TUBA1A: variants seen among roughly 807,000 people sequenced by gnomAD.
The protein encoded by TUBA1A is tubulin alpha-1A chain.
In TUBA1A, 7 loss-of-function variants were observed where a neutral mutation model predicts 34.6. The observed-to-expected ratio is 0.20, with a 90% CI of 0.11 to 0.38. The LOEUF (loss-of-function observed/expected upper bound fraction) is 0.38. Ranked by LOEUF, TUBA1A falls within the 10% of genes least tolerant of loss-of-function variation. TUBA1A has a pLI of 1.00. For synonymous variants in TUBA1A, 193 were observed against 210.2 expected (o/e 0.92, Z 0.71); for missense variants, 19 against 581.3 (o/e 0.03, Z 9.95).
Position 49,188,869 on chromosome 12 carries a change from C to G in TUBA1A, c.3+108G>C, listed in dbSNP as rs1942216817. 3.7e-6 allele frequency: 6 copies of G among 1,611,944 alleles called. No individual in the cohort carries two copies. The highest frequency in any genetic ancestry group is 5.1e-6 in the Non-Finnish European group (6 of 1,179,904). On this transcript the variant is annotated intron_variant, in intron 1 of 3. Coordinates refer to ENST00000301071, the MANE Select transcript of TUBA1A (RefSeq NM_006009.4). The surrounding 1 kb of genome is among the most constrained non-coding windows in gnomAD (Gnocchi z 4.9). The stretch of plus-strand genomic sequence containing the variant: ...CTAAACCTCACAAAACATACCACCA[C>G]CCTCGCCCAGAGAGCTTACGAAAGA...
chr12:49,188,811 G>A lies in TUBA1A; in HGVS notation c.3+166C>T. On this transcript the variant is annotated intron_variant, in intron 1 of 3. Transcript: ENST00000301071. This position sits in a 1 kb window ranked among gnomAD's most constrained non-coding sequence, Gnocchi z 4.9. ...GGCCCGGTTCCTGCACCCGCACTGC[G>A]GCGGCGGCGGGGCTTGAGGATTTGG... 1.9e-6 allele frequency: 3 copies of A among 1,585,790 alleles called. No homozygotes were observed. The highest frequency in any genetic ancestry group is 2.6e-6 in the Non-Finnish European group (3 of 1,170,830).
At position 49,188,457 on chromosome 12, in the gene TUBA1A, C is replaced by G. The variant is rs956674330; in HGVS notation, c.3+520G>C. The stretch of plus-strand genomic sequence containing the variant: ...ATGTGTGGGTATCTTTCCAAAACGC[C>G]AAAGACCGCGGAGGGTCTTCCCACG... On this transcript the variant is annotated intron_variant, in intron 1 of 3. Transcript: ENST00000301071. This position sits in a 1 kb window ranked among gnomAD's most constrained non-coding sequence, Gnocchi z 4.9. 4 of 1,535,696 alleles carry G rather than the reference C, an allele frequency of 2.6e-6. No individual in the cohort carries two copies. In the African/African-American group the frequency reaches 4.1e-5, roughly 16 times the overall value.
chr12:49,184,896 GTA>G lies in TUBA1A; in HGVS notation c.*112_*113del. 6.5e-7 allele frequency: 1 copy of G among 1,542,052 alleles called. No homozygotes were observed. Among genetic ancestry groups the G allele is most frequent in the African/African-American group, 1.4e-5 (1 of 73,534 alleles). ...TGTTTTAGAGCATAGGTCAGTAATT[GTA>G]TATGAGAGCATACACTGCTACATAC... On this transcript the variant is annotated 3_prime_UTR_variant, in exon 4 of 4. Transcript: ENST00000301071.
intron 1 of TUBA1A, chr12:49,187,460 C>T: frequency 1.0e-6 from 1 of 986,832 alleles, no homozygotes; most frequent in South Asian, 4.7e-5. Flanking sequence ...TCTCATTGTG[C>T]TGTTTTGCCA....
Position 49,188,023 on chromosome 12 carries a change from G to GACACACACACACACACAC in TUBA1A, c.3+936_3+953dup, listed in dbSNP as rs58704368. ...AACGTGCAGTCCAGACAGACAGACA[G>GACACACACACACACACAC]ACACACACACACACACACACACACT... On this transcript the variant is annotated intron_variant, in intron 1 of 3. Coordinates refer to ENST00000301071, the MANE Select transcript of TUBA1A (RefSeq NM_006009.4). This position sits in a 1 kb window ranked among gnomAD's most constrained non-coding sequence, Gnocchi z 4.9. 6 of 683,414 alleles carry GACACACACACACACACAC rather than the reference G, an allele frequency of 8.8e-6. No homozygotes were observed. The African/African-American group carries it at 1.4e-4, about 16-fold the overall frequency. The allele number at this position is 683,414 out of a possible 1,614,324, so 42.3% of individuals were successfully genotyped here.
At position 49,186,496 on chromosome 12, in the gene TUBA1A, G is replaced by A; in HGVS notation, c.227-38C>T. 1.2e-6 allele frequency: 2 copies of A among 1,612,052 alleles called. No individual in the cohort carries two copies. The highest frequency in any genetic ancestry group is 1.7e-6 in the Non-Finnish European group (2 of 1,178,882). ...ATGGGGGAGGAGCAGGGGGGAGGAGGAGGAGGGACGAGGAGCGGGGAGGGA... is the reference window on the plus strand; with the variant it reads ...ATGGGGGAGGAGCAGGGGGGAGGAGAAGGAGGGACGAGGAGCGGGGAGGGA... On this transcript the variant is annotated intron_variant, in intron 2 of 3. Coordinates refer to ENST00000301071, the MANE Select transcript of TUBA1A (RefSeq NM_006009.4). This position sits in a 1 kb window ranked among gnomAD's most constrained non-coding sequence, Gnocchi z 6.6.
chr12:49,186,547 C>T lies in TUBA1A; in HGVS notation c.226+64G>A. 6.2e-7 allele frequency: 1 copy of T among 1,612,726 alleles called. No homozygotes were observed. Among genetic ancestry groups the T allele is most frequent in the African/African-American group, 1.3e-5 (1 of 75,016 alleles). On this transcript the variant is annotated intron_variant, in intron 2 of 3. Coordinates refer to ENST00000301071, the MANE Select transcript of TUBA1A (RefSeq NM_006009.4). The surrounding 1 kb of genome is among the most constrained non-coding windows in gnomAD (Gnocchi z 6.6). ...GAGTGGGTGAGTGACCAGCGGAGCC[C>T]CCCAGGACAGACCTCCTGTCCCAGC...
At chr12:49,187,557 G>A in intron 1 of TUBA1A, 1 of 985,336 alleles carries the variant, frequency 1.0e-6, no homozygotes, top group South Asian at 4.7e-5. Context: ...ACAACGGGAT[G>A]CGGAGTATAA....
rs61537078 is a variant in TUBA1A, at chr12:49,187,606, TAA to T, written c.4-775_4-774del. On this transcript the variant is annotated intron_variant, in intron 1 of 3. Coordinates refer to ENST00000301071, the MANE Select transcript of TUBA1A (RefSeq NM_006009.4). The stretch of plus-strand genomic sequence containing the variant: ...GTAGCAATTTCATTACTTTTTTTTT[TAA>T]AAAAAAAGGTTTTTCCAGATCTTCT... 298 of 980,382 alleles carry T rather than the reference TAA, an allele frequency of 3.0e-4. 1 individual carries two copies. The East Asian group carries it at 6.3e-3, about 21-fold the overall frequency. The allele number at this position is 980,382 out of a possible 1,614,324, so 60.7% of individuals were successfully genotyped here. A position where few individuals can be genotyped will look rare whatever the true frequency, so the allele number is the denominator to read the frequency against.
In TUBA1A at chr12:49,184,830, A is replaced by C; in HGVS notation, c.*180T>G. 1.0e-6 allele frequency: 1 copy of C among 993,456 alleles called. No individual in the cohort carries two copies. 61.5% of individuals were successfully genotyped at this position (993,456 alleles called of 1,614,324 possible). On this transcript the variant is annotated 3_prime_UTR_variant, in exon 4 of 4. Transcript: ENST00000301071. ...ACAGGGAATACTTTATTCAAAACCC[A>C]TCACAGAAATGGACAGCTTGGGTCT... is the stretch of plus-strand genomic sequence containing the variant.
chr12:49,185,871 G>A lies in TUBA1A; in HGVS notation c.495C>T (p.Ser165=). 1.9e-6 allele frequency: 3 copies of A among 1,614,036 alleles called. No individual in the cohort carries two copies. The highest frequency in any genetic ancestry group is 2.5e-6 in the Non-Finnish European group (3 of 1,180,024). Residue 165 remains serine (S), a synonymous_variant, in exon 4 of 4, where the codon TCC becomes TCT. Coordinates refer to ENST00000301071, the MANE Select transcript of TUBA1A (RefSeq NM_006009.4). Reference sequence around the variant, plus strand: ...CCGGGTAAATAGAGAACTCCAGCTTGGACTTCTTGCCATAATCAACTGAGA... The same window carrying A: ...CCGGGTAAATAGAGAACTCCAGCTTAGACTTCTTGCCATAATCAACTGAGA... ...ERLSVDYGKK[S]KLEFSIYPAP... is the part of the protein sequence containing the mutation.
At chr12:49,187,298 T>C in intron 1 of TUBA1A, 1 of 1,070,744 alleles carries the variant, frequency 9.3e-7, no homozygotes, top group African/African-American at 1.7e-5. Context: ...CCTTCTGCAG[T>C]CTGTCTGCAG....
At chr12:49,187,779 T>C (rs1356929096) in intron 1 of TUBA1A, 1 of 983,922 alleles carries the variant, frequency 1.0e-6, no homozygotes, top group Non-Finnish European at 1.2e-6. Flanking sequence ...AACAACAAAA[T>C]AGTATTTTCA....
chr12:49,187,867 G>A (rs1310501410), intron 1 of TUBA1A: 1 of 973,728 alleles, frequency 1.0e-6, no homozygotes, highest in African/African-American at 1.9e-5. Context: ...TGGTCTTTAG[G>A]GCTACCACTT....
Position 49,188,247 on chromosome 12 carries a change from C to T in TUBA1A, c.3+730G>A. 1.6e-5 allele frequency: 16 copies of T among 984,840 alleles called. No homozygotes were observed. The highest frequency in any genetic ancestry group is 1.9e-5 in the Non-Finnish European group (16 of 829,510). 61.0% of individuals were successfully genotyped at this position (984,840 alleles called of 1,614,324 possible). On this transcript the variant is annotated intron_variant, in intron 1 of 3. Transcript: ENST00000301071. The surrounding 1 kb of genome is among the most constrained non-coding windows in gnomAD (Gnocchi z 4.9). ...GAAAACCCTTTTGGAGCCTACAGTT[C>T]CGCAATGATGAAAGGTTTTTTTGTT... is the stretch of plus-strand genomic sequence containing the variant.
rs1166990786 is a variant in TUBA1A at position 49,188,757 on chromosome 12, G to A, written c.3+220C>T. ...TAGGCGCCGCCTTTGTTCCTCCCCA[G>A]CGCTCTGCTGCGCCCTGGGCGCAGT... is the stretch of plus-strand genomic sequence containing the variant. On this transcript the variant is annotated intron_variant, in intron 1 of 3. Transcript: ENST00000301071. This position sits in a 1 kb window ranked among gnomAD's most constrained non-coding sequence, Gnocchi z 4.9. 15 of 1,501,050 alleles carry A rather than the reference G, an allele frequency of 1.0e-5. No individual in the cohort carries two copies. The highest frequency in any genetic ancestry group is 1.4e-5 in the African/African-American group (1 of 71,172). 93.0% of individuals were successfully genotyped at this position (1,501,050 alleles called of 1,614,324 possible). A position where few individuals can be genotyped will look rare whatever the true frequency, so the allele number is the denominator to read the frequency against.
At position 49,186,079 on chromosome 12, in the gene TUBA1A, C is replaced by A; in HGVS notation, c.376-89G>T. 1 of 1,562,698 alleles carries A rather than the reference C, an allele frequency of 6.4e-7. No individual in the cohort carries two copies. The highest frequency in any genetic ancestry group is 1.7e-4 in the Middle Eastern group (1 of 5,898). ...AAATATATTTTCACTTTTCATACAT[C>A]TTCCAGGACTTAGATCTTATTTTGA... On this transcript the variant is annotated intron_variant, in intron 3 of 3. Coordinates refer to ENST00000301071, the MANE Select transcript of TUBA1A (RefSeq NM_006009.4). The surrounding 1 kb of genome is among the most constrained non-coding windows in gnomAD (Gnocchi z 6.6).
rs1942160841 is a variant in TUBA1A at position 49,185,003 on chromosome 12, T to C, written c.*7A>G. 1 of 1,613,970 alleles carries C rather than the reference T, an allele frequency of 6.2e-7. No homozygotes were observed. The highest frequency in any genetic ancestry group is 1.3e-5 in the African/African-American group (1 of 74,932). ...TGTAAAAGCAGCACCTTTGTGACGT[T>C]TTAACTTTAGTATTCCTCTCCTTCT... On this transcript the variant is annotated 3_prime_UTR_variant, in exon 4 of 4. Transcript: ENST00000301071.
At chr12:49,187,808 A>G in intron 1 of TUBA1A, 1 of 984,062 alleles carries the variant, frequency 1.0e-6, no homozygotes. Flanking sequence ...TTCTCTACCC[A>G]TCACATAATA....
Sources: gnomAD v4.1 joint callset for allele counts on GRCh38, gnomAD v4.1.1 for gene constraint, Gnocchi (gnomAD v3.1) non-coding constraint, MANE v1.5 for transcripts, NCBI Gene and HGNC (gene_info 2026-07-23, HGNC 2026-07-21) for gene names.